Variants in ZCCHC2 observed in about 807,000 individuals in gnomAD.
The protein encoded by ZCCHC2 is zinc finger CCHC-type containing 2.
In ZCCHC2, 39 loss-of-function variants were observed where a neutral mutation model predicts 103.6. The ratio of observed to expected loss-of-function variants is 0.38; its 90% CI spans 0.29 to 0.49. The LOEUF (loss-of-function observed/expected upper bound fraction) is 0.49, where lower values mean the gene tolerates loss of function less well. Ranked by LOEUF, ZCCHC2 falls within the 20% of genes least tolerant of loss-of-function variation. The probability of loss-of-function intolerance (pLI) is 0.96; values close to 1 mark genes in which losing one functional copy is unlikely to be tolerated. For missense variants in ZCCHC2, 1,483 were observed against 1,491.0 expected, an observed-to-expected ratio of 0.99 and a Z score of 0.09; for synonymous variants, 687 against 608.9, an observed-to-expected ratio of 1.13 and a Z score of -1.89.
exon 15 of ZCCHC2, chr18:62,586,452 C>T (rs11873127): frequency 0.047 from 7,086 of 151,418 alleles, 195 homozygotes; most frequent in Middle Eastern, 0.082. Context: ...CAGAAAGTCT[C>T]GGACTCCTCT....
intron 1 of ZCCHC2, among the ~76,000 whole-genome samples, chr18:62,527,769 C>G (rs1476187462): frequency 6.6e-6 from 1 of 152,148 alleles, no homozygotes. Context: ...TATAGCATAG[C>G]TGAAAACGCT....
chr18:62,552,461 G>T (rs1433308670), intron 5 of ZCCHC2: 2 of 152,140 alleles, frequency 1.3e-5, no homozygotes, highest in African/African-American at 4.8e-5. Flanking sequence ...GTCTTCCCAG[G>T]AGTTAGCCAT....
In ZCCHC2 at chr18:62,523,811, C is replaced by T; in HGVS notation, c.387C>T (p.Phe129=). The T allele has an allele frequency of 1.3e-6, 2 of 1,543,820 alleles. No homozygotes were observed. The highest frequency in any genetic ancestry group is 2.5e-5 in the East Asian group (1 of 40,668). Residue 129 remains phenylalanine, a synonymous_variant, in exon 1 of 14, where the codon TTC becomes TTT. Transcript: ENST00000269499. ...LDLCNPLELR[F]LGSCLEDLAR... ...TGTGCAACCCGCTGGAGCTGCGCTT[C>T]CTTGGCTCGTGCCTGGAGGACCTGG...
At chr18:62,537,063 C>T (rs911934052) in intron 1 of ZCCHC2, among the ~76,000 whole-genome samples, 3 of 152,102 alleles carry the variant, frequency 2.0e-5, no homozygotes, top group Non-Finnish European at 4.4e-5. Flanking sequence ...AGTACGTTCC[C>T]GTTGTCATGA....
At chr18:62,562,070 C>G (rs999079851) in intron 8 of ZCCHC2, among the ~76,000 whole-genome samples, 1 of 152,116 alleles carries the variant, frequency 6.6e-6, no homozygotes, top group Admixed American at 6.5e-5. Flanking sequence ...AGTCTCAGCT[C>G]GCTGCAACCT....
intron 1 of ZCCHC2, among the ~76,000 whole-genome samples, chr18:62,533,872 CAAAA>C (rs35039729): frequency 3.0e-5 from 3 of 99,560 alleles, no homozygotes; most frequent in Non-Finnish European, 2.0e-5. Context: ...AACTCTGCCT[CAAAA>C]AAAAAAAAAA....
rs759334185 is a variant in ZCCHC2, at chr18:62,575,467, G to C, written c.3386G>C (p.Gly1129Ala). The C allele has an allele frequency of 6.2e-7, 1 of 1,613,862 alleles. No individual in the cohort carries two copies. Among genetic ancestry groups the C allele is most frequent in the African/African-American group, 1.3e-5 (1 of 74,920 alleles). Residue 1129 changes from glycine to alanine, a missense_variant, in exon 13 of 14, where the codon GGG becomes GCG. Coordinates refer to ENST00000269499, the MANE Select transcript of ZCCHC2 (RefSeq NM_017742.6). ...AGTGGTTCGGGGCCCAAGAAGAATG[G>C]GAATGTCTCATGTTACAATTGTGGT... ...NTSGSGPKKNGNVSCYNCGVS... is the reference protein window; with the variant it reads ...NTSGSGPKKNANVSCYNCGVS...
downstream of ZCCHC2, among the ~76,000 whole-genome samples, chr18:62,579,736 T>TG (rs1440279200): frequency 4.0e-5 from 6 of 151,798 alleles, no homozygotes; most frequent in East Asian, 7.8e-4. Context: ...TCTTTTTTTT[T>TG]TGTGAGACAT....
chr18:62,540,435 C>CTT lies in ZCCHC2; in HGVS notation c.1051+657_1051+658dup, dbSNP rs555817088. On this transcript the variant is annotated intron_variant, in intron 2 of 13. Coordinates refer to ENST00000269499, the MANE Select transcript of ZCCHC2 (RefSeq NM_017742.6). The stretch of plus-strand genomic sequence containing the variant: ...TTTTGAATTTATGTCATTATGTCTC[C>CTT]TTTTTTTTTTTTTTTACCAGTAATA... 5.3e-3 allele frequency among the ~76,000 whole-genome samples: 748 copies of CTT among 141,438 alleles called. 4 individuals are homozygous for CTT. The highest frequency in any genetic ancestry group is 0.017 in the African/African-American group (688 of 39,356). The allele number at this position is 141,438 out of a possible 152,430, so 92.8% of individuals were successfully genotyped here.
In ZCCHC2 at chr18:62,523,145, T is replaced by C. The variant is rs1354678885; in HGVS notation, c.-280T>C. The C allele has an allele frequency of 1.3e-5, 2 of 152,286 alleles. No individual in the cohort carries two copies. The highest frequency in any genetic ancestry group is 4.9e-5 in the African/African-American group (2 of 41,230). The allele number at this position is 152,286 out of a possible 1,614,324, so 9.4% of individuals were successfully genotyped here. ...CGGAAGGAGGACACCCTCGCTCGCT[T>C]GCTCCCACCCGCACCCGGGCTCCCA... On this transcript the variant is annotated 5_prime_UTR_variant, in exon 1 of 14. Transcript: ENST00000269499.
chr18:62,524,473 C>G, intron 1 of ZCCHC2, 110 bp downstream of exon 1: 1 of 1,387,190 alleles, frequency 7.2e-7, no homozygotes, highest in Non-Finnish European at 9.3e-7. Context: ...GCGCAGGTGG[C>G]TCGGAATCCC....
intron 11 of ZCCHC2, among the ~76,000 whole-genome samples, chr18:62,565,695 A>C (rs753596859): frequency 3.9e-5 from 6 of 152,170 alleles, no homozygotes; most frequent in Non-Finnish European, 7.4e-5. Context: ...ATTAATTGTA[A>C]CGATTAAAAA....
intron 1 of ZCCHC2, among the ~76,000 whole-genome samples, chr18:62,534,340 G>A (rs1914830809): frequency 6.6e-6 from 1 of 151,180 alleles, no homozygotes; most frequent in South Asian, 2.1e-4. Flanking sequence ...CTGATTATTT[G>A]TACTCCCTGT....
chr18:62,531,254 T>C (rs151272776), intron 1 of ZCCHC2, among the ~76,000 whole-genome samples: 1 of 152,242 alleles, frequency 6.6e-6, no homozygotes, highest in East Asian at 1.9e-4. Context: ...ACAATCAATC[T>C]AAAAAGGAAG....
At chr18:62,533,582 C>T (rs1013906029) in intron 1 of ZCCHC2, among the ~76,000 whole-genome samples, 8 of 151,528 alleles carry the variant, frequency 5.3e-5, no homozygotes, top group African/African-American at 7.3e-5. Flanking sequence ...TTAAGTATAT[C>T]GAGGCTGGGC....
intron 1 of ZCCHC2, chr18:62,526,127 G>A (rs1914383069): frequency 6.6e-6 from 1 of 152,006 alleles, no homozygotes; most frequent in Non-Finnish European, 1.5e-5. Context: ...CGTGTTGGAG[G>A]GCAAGTAGAG....
rs746057971 is a variant in ZCCHC2, at chr18:62,524,343, T to G, written c.919T>G (p.Phe307Val). The G allele has an allele frequency of 3.9e-6, 6 of 1,532,250 alleles. No individual in the cohort carries two copies. In the South Asian group the frequency reaches 7.2e-5, roughly 19 times the overall value. The allele number at this position is 1,532,250 out of a possible 1,614,324, so 94.9% of individuals were successfully genotyped here. A position where few individuals can be genotyped will look rare whatever the true frequency, so the allele number is the denominator to read the frequency against. ...GGAGGTGGAGGTAGAGCCGTGCAAG[T>G]TTGCCGGCCCCAGGGCCCAGGTAAG... ...DAEVEVEPCK[F>V]AGPRAQNNSA... Residue 307 changes from phenylalanine to valine, a missense_variant, in exon 1 of 14, where the codon TTT becomes GTT. Transcript: ENST00000269499.
rs190577023 is a variant in ZCCHC2 at position 62,532,011 on chromosome 18, A to C, written c.939+7648A>C. 2.9e-3 allele frequency among the ~76,000 whole-genome samples: 443 copies of C among 152,222 alleles called. 3 individuals are homozygous for C. The highest frequency in any genetic ancestry group is 1.9e-3 in the Non-Finnish European group (129 of 67,996). On this transcript the variant is annotated intron_variant, in intron 1 of 13. Transcript: ENST00000269499. ...AAAGGAGAGAAGAAAGAGGAAAAGA[A>C]AGACATTTGAAGAGATAGTAGGGTT...
At chr18:62,571,687 A>G (rs989773496) in intron 12 of ZCCHC2, among the ~76,000 whole-genome samples, 1 of 152,222 alleles carries the variant, frequency 6.6e-6, no homozygotes, top group Admixed American at 6.5e-5. Flanking sequence ...CCTTGGTTAC[A>G]AGGTGTACCC....
Sources: gnomAD v4.1 joint callset for allele counts (sites outside exome capture counted in the v4.1 genomes callset) on GRCh38, gnomAD v4.1.1 for gene constraint, MANE v1.5 for transcripts, NCBI Gene and HGNC (gene_info 2026-07-23, HGNC 2026-07-21) for gene names.